The following KIAA0319 variants were observed in gnomAD, a reference collection of about 807,000 sequenced individuals.
The protein encoded by KIAA0319 is KIAA0319, also known as dyslexia-associated protein KIAA0319.
Under a neutral mutation model 108.4 loss-of-function variants are expected in KIAA0319, and 83 were observed. That is an observed-to-expected ratio of 0.77 (90% confidence interval 0.64 to 0.92). KIAA0319 has a LOEUF of 0.92. KIAA0319 is among the 40% of genes least tolerant of loss of function. The pLI, the probability that KIAA0319 is intolerant of heterozygous loss-of-function variation, is 0.00. For synonymous variants in KIAA0319, 484 were observed against 510.4 expected (o/e 0.95, Z 0.70); for missense variants, 1,195 against 1,322.4 (o/e 0.90, Z 1.49).
At chr6:24,568,652 G>T in intron 13 of KIAA0319, 129 bp downstream of exon 13, 1 of 893,776 alleles carries the variant, frequency 1.1e-6, no homozygotes, top group Non-Finnish European at 1.6e-6. Context: ...TTTCAGCCAG[G>T]CAGGGTTCGG....
intron 1 of KIAA0319, among the ~76,000 whole-genome samples, chr6:24,642,044 A>AT (rs1231790166): frequency 1.0e-5 from 1 of 96,840 alleles, no homozygotes; most frequent in Non-Finnish European, 2.1e-5. Flanking sequence ...GGGGAGAGAA[A>AT]GGAAGGGGAG....
chr6:24,580,918 C>A lies in KIAA0319; in HGVS notation c.1279+8G>T. 1.9e-6 allele frequency: 3 copies of A among 1,594,060 alleles called. No individual in the cohort carries two copies. Among genetic ancestry groups the A allele is most frequent in the Non-Finnish European group, 2.6e-6 (3 of 1,162,768 alleles). The stretch of plus-strand genomic sequence containing the variant: ...ACAACAGGAGGTCATTCTCTTACAC[C>A]GGCTTACCAGGCTTAACAGTGACAT... On this transcript the variant is annotated splice_region_variant and intron_variant, in intron 7 of 20. Coordinates refer to ENST00000378214, the MANE Select transcript of KIAA0319 (RefSeq NM_014809.4).
At chr6:24,576,918 C>T (rs1022401037) in intron 9 of KIAA0319, among the ~76,000 whole-genome samples, 2 of 151,258 alleles carry the variant, frequency 1.3e-5, no homozygotes, top group Non-Finnish European at 2.9e-5. Context: ...GAGCAACAGA[C>T]TGTCACAAAA....
intron 16 of KIAA0319, 60 bp from the exon 17 acceptor site, chr6:24,559,215 G>A (rs909110527): frequency 7.7e-6 from 12 of 1,564,634 alleles, no homozygotes; most frequent in Middle Eastern, 2.3e-4. Context: ...ACCATGACAC[G>A]CCCACCACAG....
chr6:24,606,559 G>A (rs751589807), intron 1 of KIAA0319, among the ~76,000 whole-genome samples: 4 of 152,232 alleles, frequency 2.6e-5, no homozygotes, highest in Non-Finnish European at 5.9e-5. Flanking sequence ...AGGGAGGGAT[G>A]AAGGTCTAGG....
At chr6:24,641,439 C>T (rs1266948156) in intron 1 of KIAA0319, among the ~76,000 whole-genome samples, 1 of 152,122 alleles carries the variant, frequency 6.6e-6, no homozygotes, top group Non-Finnish European at 1.5e-5. Context: ...CCAGAAAGTG[C>T]AAATGGTCAA....
chr6:24,570,342 A>C (rs1373715591), intron 11 of KIAA0319, among the ~76,000 whole-genome samples: 2 of 152,296 alleles, frequency 1.3e-5, no homozygotes, highest in East Asian at 3.9e-4. Flanking sequence ...GTAATCCAGC[A>C]CTTTGGGAGA....
intron 1 of KIAA0319, among the ~76,000 whole-genome samples, chr6:24,614,030 A>C (rs1169443710): frequency 6.6e-6 from 1 of 152,188 alleles, no homozygotes; most frequent in Non-Finnish European, 1.5e-5. Context: ...TTTCCATTTC[A>C]CCGCAGTTGA....
chr6:24,611,920 A>G (rs547626788), intron 1 of KIAA0319, among the ~76,000 whole-genome samples: 1 of 151,842 alleles, frequency 6.6e-6, no homozygotes, highest in African/African-American at 2.4e-5. Flanking sequence ...GCATAGTGAT[A>G]TGGACCTGTA....
chr6:24,644,272 G>A (rs6935753), intron 1 of KIAA0319, among the ~76,000 whole-genome samples: 106,936 of 152,084 alleles, frequency 0.7, 38,163 homozygotes, highest in East Asian at 0.87. Flanking sequence ...TCTGAACCAG[G>A]GAGACTCTGG....
chr6:24,540,952 T>C (rs1760175853), downstream of KIAA0319, among the ~76,000 whole-genome samples: 1 of 152,104 alleles, frequency 6.6e-6, no homozygotes, highest in Admixed American at 6.5e-5. Context: ...TGTATGTGAG[T>C]GTTTGTACAC....
chr6:24,590,026 T>C (rs1192949638), intron 3 of KIAA0319, among the ~76,000 whole-genome samples: 1 of 152,106 alleles, frequency 6.6e-6, no homozygotes, highest in Non-Finnish European at 1.5e-5. Flanking sequence ...ACTAAGAATA[T>C]AGAAGGCCCA....
chr6:24,561,900 G>A (rs1323697809), intron 16 of KIAA0319, among the ~76,000 whole-genome samples: 4 of 152,016 alleles, frequency 2.6e-5, no homozygotes, highest in Non-Finnish European at 5.9e-5. Context: ...ACGAGGTTTC[G>A]CCATGTTGGC....
downstream of KIAA0319, among the ~76,000 whole-genome samples, chr6:24,543,748 C>A (rs1298952189): frequency 1.3e-5 from 2 of 152,102 alleles, no homozygotes; most frequent in Non-Finnish European, 2.9e-5. Context: ...TTAAAAATGG[C>A]TTTATTACTG....
At chr6:24,556,976 G>C (rs952753068) in intron 17 of KIAA0319, among the ~76,000 whole-genome samples, 3 of 152,192 alleles carry the variant, frequency 2.0e-5, no homozygotes, top group South Asian at 4.1e-4. Flanking sequence ...GGAGGCCGAG[G>C]TGGGCAGATC....
chr6:24,645,002 G>A (rs1777433304), intron 1 of KIAA0319, among the ~76,000 whole-genome samples: 2 of 152,244 alleles, frequency 1.3e-5, no homozygotes, highest in Admixed American at 6.5e-5. Flanking sequence ...TACAATTGTG[G>A]TCTTCTTATA....
At chr6:24,560,274 T>C (rs1762930074) in intron 16 of KIAA0319, among the ~76,000 whole-genome samples, 1 of 152,234 alleles carries the variant, frequency 6.6e-6, no homozygotes. Flanking sequence ...ATTGAGGAAC[T>C]GCCAAACTGT....
chr6:24,566,375 G>A (rs1345576932), intron 14 of KIAA0319, among the ~76,000 whole-genome samples: 1 of 152,212 alleles, frequency 6.6e-6, no homozygotes, highest in African/African-American at 2.4e-5. Flanking sequence ...GCAGCTGTCT[G>A]CAAGCCAGGA....
At chr6:24,622,376 A>T (rs1774095527) in intron 1 of KIAA0319, among the ~76,000 whole-genome samples, 1 of 151,848 alleles carries the variant, frequency 6.6e-6, no homozygotes. Flanking sequence ...CAAATAGAAG[A>T]TTAAAGGAAC....
Sources: allele counts gnomAD v4.1 joint callset (sites outside exome capture counted in the v4.1 genomes callset), GRCh38; gene constraint gnomAD v4.1.1; transcripts MANE v1.5; gene names NCBI Gene and HGNC (gene_info 2026-07-23, HGNC 2026-07-21).